PAWR: variants seen among roughly 807,000 people sequenced by gnomAD.
PAWR encodes the protein pro-apoptotic WT1 regulator.
In PAWR, 23 loss-of-function variants were observed where a neutral mutation model predicts 32.0. The ratio of observed to expected loss-of-function variants is 0.72; its 90% confidence interval spans 0.52 to 1.02. PAWR has a LOEUF of 1.02. Ranked by LOEUF, PAWR falls within the 50% of genes least tolerant of loss-of-function variation. The pLI is 0.00. For synonymous variants in PAWR, 226 were observed against 187.1 expected, an observed-to-expected ratio of 1.21 and a Z score of -1.70; for missense variants, 457 against 437.7, an observed-to-expected ratio of 1.04 and a Z score of -0.39.
At chr12:79,624,649 T>C (rs1342322985) in intron 2 of PAWR, among the ~76,000 whole-genome samples, 1 of 152,196 alleles carries the variant, frequency 6.6e-6, no homozygotes, top group African/African-American at 2.4e-5. Context: ...TCCTAGAAAT[T>C]CTTAAGCAAT....
rs1368414026 is a variant in PAWR, at chr12:79,632,330, T to C, written c.517-11123A>G. 6.4e-3 allele frequency among the ~76,000 whole-genome samples: 298 copies of C among 46,492 alleles called. 36 individuals carry two copies. Among genetic ancestry groups the C allele is most frequent in the South Asian group, 8.0e-3 (13 of 1,626 alleles). 30.5% of individuals were successfully genotyped at this position (46,492 alleles called of 152,430 possible). On this transcript the variant is annotated intron_variant, in intron 2 of 6. Transcript: ENST00000328827. ...ATACATACATATATATATATATATA[T>C]ATATATATATATATATATATATATA...
At chr12:79,656,485 C>T (rs139497545) in intron 2 of PAWR, among the ~76,000 whole-genome samples, 2 of 152,188 alleles carry the variant, frequency 1.3e-5, no homozygotes, top group African/African-American at 2.4e-5. Flanking sequence ...CAATTCAGAA[C>T]ATTTGTGGCA....
intron 2 of PAWR, among the ~76,000 whole-genome samples, chr12:79,687,615 T>A (rs114233929): frequency 1.7e-3 from 253 of 152,296 alleles, no homozygotes; most frequent in African/African-American, 5.7e-3. Context: ...AAAATATGTA[T>A]GACTTTTTAA....
intron 2 of PAWR, among the ~76,000 whole-genome samples, chr12:79,668,728 G>A (rs1345249180): frequency 6.6e-6 from 1 of 152,208 alleles, no homozygotes; most frequent in Non-Finnish European, 1.5e-5. Flanking sequence ...ATGGGGAATG[G>A]CTGTAAATAC....
intron 4 of PAWR, among the ~76,000 whole-genome samples, chr12:79,599,688 TGA>T (rs1003159358): frequency 6.6e-6 from 1 of 152,262 alleles, no homozygotes; most frequent in African/African-American, 2.4e-5. Context: ...CTTATTTGTC[TGA>T]GAGTTAGTCT....
chr12:79,689,695 G>C, intron 2 of PAWR, 34 bp downstream of exon 2: 2 of 1,528,992 alleles, frequency 1.3e-6, no homozygotes, highest in Non-Finnish European at 1.8e-6. Flanking sequence ...TGCCCGCCCC[G>C]GCCCGGTCCG....
chr12:79,597,971 G>C (rs11114189), intron 4 of PAWR: 1 of 151,998 alleles, frequency 6.6e-6, no homozygotes, highest in Admixed American at 6.6e-5. Flanking sequence ...TCTGCTTCTA[G>C]GCTCACTCAC....
At position 79,589,520 on chromosome 12, in the gene PAWR, CTA is replaced by C. The variant is rs922554614; in HGVS notation, c.*3085_*3086del. ...CTCCACATACCTGATACTTAATTTT[CTA>C]TGTTTGAAACTACTTGAACAAGTGT... is the stretch of plus-strand genomic sequence containing the variant. On this transcript the variant is annotated 3_prime_UTR_variant, in exon 7 of 7. Coordinates refer to ENST00000328827, the MANE Select transcript of PAWR (RefSeq NM_002583.4). The C allele has an allele frequency of 7.3e-5, 11 of 151,700 alleles. No homozygotes were observed. Among genetic ancestry groups the C allele is most frequent in the African/African-American group, 2.4e-4 (10 of 41,356 alleles). 9.4% of individuals were successfully genotyped at this position (151,700 alleles called of 1,614,324 possible).
chr12:79,606,723 T>C (rs1874200421), intron 4 of PAWR, among the ~76,000 whole-genome samples: 1 of 152,214 alleles, frequency 6.6e-6, no homozygotes, highest in Non-Finnish European at 1.5e-5. Context: ...CTACCCATGC[T>C]AGGCAAATTA....
At chr12:79,639,831 T>TCCTTTTCCATTCCCATTCCCATTC (rs879765629) in intron 2 of PAWR, among the ~76,000 whole-genome samples, 9 of 126,528 alleles carry the variant, frequency 7.1e-5, no homozygotes, top group African/African-American at 3.5e-4. Context: ...CTTTTCCTTT[T>TCCTTTTCCATTCCCATTCCCATTC]CCATTCCTAT....
At chr12:79,668,450 A>G (rs7297018) in intron 2 of PAWR, 132,680 of 152,210 alleles carry the variant, frequency 0.87, 58,159 homozygotes, top group African/African-American at 0.97. Context: ...AGTAAGGAAA[A>G]TTATAGACCA....
intron 2 of PAWR, among the ~76,000 whole-genome samples, chr12:79,670,080 A>G (rs1877815890): frequency 6.6e-6 from 1 of 152,218 alleles, no homozygotes; most frequent in African/African-American, 2.4e-5. Flanking sequence ...TGCTAAAAAT[A>G]GGTGGATGTT....
chr12:79,592,517 T>C lies in PAWR; in HGVS notation c.*90A>G, dbSNP rs556268143. 6 of 635,662 alleles carry C rather than the reference T, an allele frequency of 9.4e-6. No homozygotes were observed. The East Asian group carries it at 1.8e-4, about 19-fold the overall frequency. 39.4% of individuals were successfully genotyped at this position (635,662 alleles called of 1,614,324 possible). A position where few individuals can be genotyped will look rare whatever the true frequency, so the allele number is the denominator to read the frequency against. ...ATATACTTGCTTAGTTATTTTAATG[T>C]ATTGCAGCATAGGAATATTGTGCTA... On this transcript the variant is annotated 3_prime_UTR_variant, in exon 7 of 7. Transcript: ENST00000328827.
In PAWR at chr12:79,585,171, A is replaced by C. The variant is rs184368420; in HGVS notation, c.*7436T>G. ...GAGCTTAAAACAAAACAAAACAAAA[A>C]CAAACAAAAAACAAGTTCATGTTAT... is the stretch of plus-strand genomic sequence containing the variant. On this transcript the variant is annotated 3_prime_UTR_variant, in exon 7 of 7. Coordinates refer to ENST00000328827, the MANE Select transcript of PAWR (RefSeq NM_002583.4). 1 of 452,962 alleles carries C rather than the reference A, an allele frequency of 2.2e-6. No homozygotes were observed. The highest frequency in any genetic ancestry group is 7.0e-5 in the East Asian group (1 of 14,316). The allele number at this position is 452,962 out of a possible 1,614,324, so 28.1% of individuals were successfully genotyped here. A position where few individuals can be genotyped will look rare whatever the true frequency, so the allele number is the denominator to read the frequency against.
At chr12:79,689,355 T>C (rs1333963999) in intron 2 of PAWR, among the ~76,000 whole-genome samples, 1 of 152,174 alleles carries the variant, frequency 6.6e-6, no homozygotes, top group Non-Finnish European at 1.5e-5. Context: ...CCCTAGAGAA[T>C]GTCGTCACCA....
intron 4 of PAWR, among the ~76,000 whole-genome samples, chr12:79,608,922 T>G (rs1874315741): frequency 6.6e-6 from 1 of 151,938 alleles, no homozygotes; most frequent in East Asian, 1.9e-4. Context: ...GCAGGTGCCT[T>G]TAATCCCAGC....
chr12:79,623,479 T>C (rs1875127250), intron 2 of PAWR, among the ~76,000 whole-genome samples: 1 of 149,520 alleles, frequency 6.7e-6, no homozygotes, highest in African/African-American at 2.6e-5. Flanking sequence ...AATGATTTTG[T>C]AAAAAACAAA....
chr12:79,652,390 T>C (rs983046340), intron 2 of PAWR, among the ~76,000 whole-genome samples: 1 of 152,210 alleles, frequency 6.6e-6, no homozygotes, highest in Non-Finnish European at 1.5e-5. Flanking sequence ...AGATACTCAT[T>C]GGCTAAATAT....
chr12:79,639,564 C>T, intron 2 of PAWR, among the ~76,000 whole-genome samples: 1 of 152,152 alleles, frequency 6.6e-6, no homozygotes, highest in Non-Finnish European at 1.5e-5. Flanking sequence ...GTTTAAATTT[C>T]CTTGTCCCCT....
Sources: allele counts gnomAD v4.1 joint callset (sites outside exome capture counted in the v4.1 genomes callset), GRCh38; gene constraint gnomAD v4.1.1; transcripts MANE v1.5; gene names NCBI Gene and HGNC (gene_info 2026-07-23, HGNC 2026-07-21).